The following DDX6 variants were observed in gnomAD, a reference collection of about 807,000 sequenced individuals.
The protein encoded by DDX6 is probable ATP-dependent RNA helicase DDX6.
In DDX6, 7 loss-of-function variants were observed where a neutral mutation model predicts 60.6. The observed-to-expected ratio is 0.12, with a 90% CI of 0.07 to 0.22. DDX6 has a LOEUF of 0.22. DDX6 is among the 10% of genes least tolerant of loss of function. The pLI, the probability that DDX6 is intolerant of heterozygous loss-of-function variation, is 1.00. For missense variants in DDX6, 270 were observed against 589.9 expected, an observed-to-expected ratio of 0.46 and a Z score of 5.62; for synonymous variants, 207 against 201.0, an observed-to-expected ratio of 1.03 and a Z score of -0.25.
At chr11:118,752,677 T>C (rs1350062237) in intron 13 of DDX6, among the ~76,000 whole-genome samples, 1 of 152,200 alleles carries the variant, frequency 6.6e-6, no homozygotes, top group Non-Finnish European at 1.5e-5. Context: ...TGTTCACCTA[T>C]AACTTGGAAA....
chr11:118,788,379 G>C (rs576724872), intron 1 of DDX6: 1 of 152,302 alleles, frequency 6.6e-6, no homozygotes, highest in East Asian at 1.9e-4. Flanking sequence ...CCCGTAAATG[G>C]AAATCTTACT....
chr11:118,765,612 TA>T (rs1555161161), intron 5 of DDX6, among the ~76,000 whole-genome samples: 2 of 151,534 alleles, frequency 1.3e-5, no homozygotes, highest in Non-Finnish European at 2.9e-5. Flanking sequence ...CCATCTGTAC[TA>T]AAAATACAAA....
Position 118,751,067 on chromosome 11 carries a change from GTATATATATATA to G in DDX6, c.*1026_*1037del, listed in dbSNP as rs36063767. 1 of 140,198 alleles carries G rather than the reference GTATATATATATA, an allele frequency of 7.1e-6. No homozygotes were observed. The highest frequency in any genetic ancestry group is 1.5e-5 in the Non-Finnish European group (1 of 65,202). 8.7% of individuals were successfully genotyped at this position (140,198 alleles called of 1,614,324 possible). ...CATCCAAAAAAAAATATATATATAT[GTATATATATATA>G]TATATATGAACCCAGAAAAAAAACT... On this transcript the variant is annotated 3_prime_UTR_variant, in exon 14 of 14. Transcript: ENST00000534980.
intron 4 of DDX6, among the ~76,000 whole-genome samples, chr11:118,768,625 GAAC>G (rs1555161782): frequency 2.0e-5 from 3 of 152,202 alleles, no homozygotes; most frequent in East Asian, 1.9e-4. Flanking sequence ...TATCTGAAGA[GAAC>G]AACAAAGAAA....
chr11:118,770,907 A>G (rs1861515157), intron 4 of DDX6, among the ~76,000 whole-genome samples: 1 of 151,744 alleles, frequency 6.6e-6, no homozygotes, highest in Non-Finnish European at 1.5e-5. Context: ...AAGAGAGAGA[A>G]AAGAAAAGAA....
chr11:118,755,308 G>C, intron 12 of DDX6, 94 bp downstream of exon 12: 1 of 711,072 alleles, frequency 1.4e-6, no homozygotes, highest in East Asian at 2.5e-5. Context: ...TGTTCTCATA[G>C]CTACTGTACT....
intron 2 of DDX6, among the ~76,000 whole-genome samples, chr11:118,782,067 G>A (rs540013898): frequency 1.3e-5 from 2 of 152,210 alleles, no homozygotes; most frequent in South Asian, 4.1e-4. Flanking sequence ...ACAAAAATTA[G>A]CCAGCCATGG....
At chr11:118,773,942 T>C (rs994686064) in intron 4 of DDX6, among the ~76,000 whole-genome samples, 5 of 152,070 alleles carry the variant, frequency 3.3e-5, no homozygotes, top group Non-Finnish European at 7.4e-5. Context: ...GATAAACCGA[T>C]TGTTAGCAGG....
At chr11:118,784,493 C>CT (rs57553510) in intron 2 of DDX6, among the ~76,000 whole-genome samples, 4,304 of 148,014 alleles carry the variant, frequency 0.029, 89 homozygotes, top group Non-Finnish European at 0.047. Flanking sequence ...GAGTATTTCT[C>CT]TGTTGCCCAG....
Position 118,768,368 on chromosome 11 carries a change from C to T in DDX6, c.370-16G>A, listed in dbSNP as rs1555161706. 1 of 1,610,694 alleles carries T rather than the reference C, an allele frequency of 6.2e-7. No individual in the cohort carries two copies. The stretch of plus-strand genomic sequence containing the variant: ...TGCTCTCCTCCTAAAAGAGATAAGA[C>T]AATACAAAATTACTTCTGAATGTAG... On this transcript the variant is annotated splice_polypyrimidine_tract_variant and intron_variant, in intron 4 of 13. Transcript: ENST00000534980.
Position 118,747,948 on chromosome 11 carries a change from T to C in DDX6, c.*4157A>G, listed in dbSNP as rs1008637774. 1 of 128,444 alleles carries C rather than the reference T, an allele frequency of 7.8e-6. No individual in the cohort carries two copies. The allele number at this position is 128,444 out of a possible 1,614,324, so 8.0% of individuals were successfully genotyped here. ...CATCTGCCAATTAAGAGAAAGCCAA[T>C]TTTCCCTTCCCCCAATGTTTCTGAA... is the stretch of plus-strand genomic sequence containing the variant. On this transcript the variant is annotated 3_prime_UTR_variant, in exon 14 of 14. Transcript: ENST00000534980.
intron 5 of DDX6, among the ~76,000 whole-genome samples, 196 bp from the exon 6 acceptor site, chr11:118,765,551 G>C (rs1181805303): frequency 6.6e-6 from 1 of 152,166 alleles, no homozygotes; most frequent in Non-Finnish European, 1.5e-5. Flanking sequence ...AAGGTGGGCA[G>C]ATCACCTGAG....
chr11:118,757,353 G>GA, intron 9 of DDX6, 66 bp from the exon 10 acceptor site: 1 of 798,586 alleles, frequency 1.3e-6, no homozygotes, highest in East Asian at 3.0e-5. Flanking sequence ...GCCAAATCTT[G>GA]AAAACACGAA....
intron 4 of DDX6, 143 bp from the exon 5 acceptor site, chr11:118,768,495 G>A (rs1861429330): frequency 2.5e-6 from 2 of 793,544 alleles, no homozygotes; most frequent in Admixed American, 2.7e-5. Flanking sequence ...ATGAATAGCA[G>A]AGATCCAAGT....
At chr11:118,774,709 C>A (rs931801098) in intron 4 of DDX6, among the ~76,000 whole-genome samples, 18 of 152,192 alleles carry the variant, frequency 1.2e-4, no homozygotes, top group African/African-American at 4.3e-4. Context: ...TAGGCATGAG[C>A]CACTGCACCC....
intron 2 of DDX6, among the ~76,000 whole-genome samples, chr11:118,784,756 CT>C (rs779425136): frequency 1.1e-3 from 147 of 134,714 alleles, no homozygotes; most frequent in Non-Finnish European, 1.1e-3. Flanking sequence ...CGCACCTGGC[CT>C]TTTTTTTTTT....
chr11:118,748,458 GACTT>G lies in DDX6; in HGVS notation c.*3643_*3646del, dbSNP rs782042656. On this transcript the variant is annotated 3_prime_UTR_variant, in exon 14 of 14. Coordinates refer to ENST00000534980, the MANE Select transcript of DDX6 (RefSeq NM_004397.6). ...GTCCACTAAAGTTCACCAAAAAGCT[GACTT>G]ACTTCAGCTCTCATGAGGCCAATAA... The G allele has an allele frequency of 1.3e-5, 2 of 152,256 alleles. No individual in the cohort carries two copies. Among genetic ancestry groups the G allele is most frequent in the East Asian group, 1.9e-4 (1 of 5,180 alleles). 9.4% of individuals were successfully genotyped at this position (152,256 alleles called of 1,614,324 possible).
At chr11:118,755,380 A>G (rs782652151) in intron 12 of DDX6, 22 bp downstream of exon 12, 10 of 1,476,710 alleles carry the variant, frequency 6.8e-6, no homozygotes, top group East Asian at 2.3e-5. Flanking sequence ...TCTACCAAGA[A>G]TATCACCTCT....
intron 1 of DDX6, chr11:118,790,800 C>CG (rs5795145): frequency 0.39 from 59,594 of 151,712 alleles, 12,161 homozygotes; most frequent in Admixed American, 0.52. Flanking sequence ...AGAGCCGGCC[C>CG]GGGGGGCTCC....
Sources: allele counts gnomAD v4.1 joint callset (sites outside exome capture counted in the v4.1 genomes callset), GRCh38; gene constraint gnomAD v4.1.1; transcripts MANE v1.5; gene names NCBI Gene and HGNC (gene_info 2026-07-23, HGNC 2026-07-21).